KIAA1958: variants seen among roughly 807,000 people sequenced by gnomAD.
KIAA1958 encodes uncharacterized protein KIAA1958.
In KIAA1958, 14 loss-of-function variants were observed where a neutral mutation model predicts 47.2. That is an observed-to-expected ratio of 0.30 (90% CI 0.20 to 0.46). KIAA1958 has a LOEUF of 0.46. Among genes scored for constraint, KIAA1958 ranks in the 20% least tolerant of loss-of-function variants. The pLI, the probability that KIAA1958 is intolerant of heterozygous loss-of-function variation, is 1.00. For synonymous variants in KIAA1958, 354 were observed against 353.3 expected (o/e 1.00, Z -0.02); for missense variants, 803 against 909.2 (o/e 0.88, Z 1.50).
intron 1 of KIAA1958, among the ~76,000 whole-genome samples, chr9:112,539,324 A>G (rs946289712): frequency 1.3e-5 from 2 of 152,250 alleles, no homozygotes; most frequent in Non-Finnish European, 2.9e-5. Flanking sequence ...GATTAATGAA[A>G]TGTGGTTTCT....
intron 2 of KIAA1958, chr9:112,619,019 C>T: frequency 8.3e-7 from 1 of 1,207,554 alleles, no homozygotes; most frequent in Non-Finnish European, 1.1e-6. Context: ...TGTTAATTCA[C>T]TTTATAAAAA....
At chr9:112,598,152 G>A (rs944892436) in intron 2 of KIAA1958, among the ~76,000 whole-genome samples, 19 of 152,136 alleles carry the variant, frequency 1.2e-4, no homozygotes, top group Non-Finnish European at 2.6e-4. Context: ...GAGAATGAAG[G>A]ATGAGAGGTT....
chr9:112,490,000 T>G (rs1241394880), intron 1 of KIAA1958, among the ~76,000 whole-genome samples: 1 of 151,746 alleles, frequency 6.6e-6, no homozygotes, highest in Non-Finnish European at 1.5e-5. Context: ...CTTTTTGACA[T>G]TTTTTTGTAG....
rs77400746 is a variant in KIAA1958 at position 112,624,499 on chromosome 9, T to G, written c.1172-21151T>G. Among the ~76,000 whole-genome samples, 97 of 152,376 alleles carry G rather than the reference T, an allele frequency of 6.4e-4. 1 individual carries two copies. In the East Asian group the frequency reaches 0.013, roughly 20 times the overall value. On this transcript the variant is annotated intron_variant, in intron 2 of 3. Coordinates refer to ENST00000337530, the MANE Select transcript of KIAA1958 (RefSeq NM_133465.4). ...AAGAAATACATTGCAGATATCATTC[T>G]TTTGGGAGTTGGTGTATTTCTAGTG... is the stretch of plus-strand genomic sequence containing the variant.
chr9:112,597,218 CT>C (rs1381147935), intron 2 of KIAA1958, among the ~76,000 whole-genome samples: 1 of 152,178 alleles, frequency 6.6e-6, no homozygotes, highest in Non-Finnish European at 1.5e-5. Context: ...ATGCTGTTGG[CT>C]CTCTGTGATT....
At chr9:112,519,413 A>G (rs1425150854) in intron 1 of KIAA1958, among the ~76,000 whole-genome samples, 1 of 152,222 alleles carries the variant, frequency 6.6e-6, no homozygotes, top group Non-Finnish European at 1.5e-5. Flanking sequence ...AAGTTTTATG[A>G]TGTAGTTTTT....
intron 2 of KIAA1958, among the ~76,000 whole-genome samples, chr9:112,601,048 A>AC: frequency 6.6e-6 from 1 of 152,346 alleles, no homozygotes. Context: ...TTGTTGGCAG[A>AC]GCTGGAACCT....
At chr9:112,655,816 G>A (rs886086914) in intron 3 of KIAA1958, among the ~76,000 whole-genome samples, 1 of 152,182 alleles carries the variant, frequency 6.6e-6, no homozygotes, top group Admixed American at 6.5e-5. Context: ...GTAATAGCTG[G>A]GTTGTTGACA....
At chr9:112,625,832 TAACA>T (rs1484789802) in intron 2 of KIAA1958, among the ~76,000 whole-genome samples, 1 of 152,222 alleles carries the variant, frequency 6.6e-6, no homozygotes, top group Non-Finnish European at 1.5e-5. Context: ...TCTTTGATTC[TAACA>T]AACATCTCTC....
chr9:112,640,735 AT>A (rs1836876818), intron 2 of KIAA1958, among the ~76,000 whole-genome samples: 1 of 152,148 alleles, frequency 6.6e-6, no homozygotes, highest in South Asian at 2.1e-4. Context: ...GTTCTGGTTC[AT>A]TTGATTGTGT....
chr9:112,559,400 C>T (rs1157926775), intron 1 of KIAA1958, among the ~76,000 whole-genome samples: 2 of 152,164 alleles, frequency 1.3e-5, no homozygotes, highest in Non-Finnish European at 2.9e-5. Context: ...TAAGGAAAGG[C>T]AGTATCATGG....
intron 2 of KIAA1958, among the ~76,000 whole-genome samples, chr9:112,576,177 C>G (rs1835641771): frequency 6.6e-6 from 1 of 152,152 alleles, no homozygotes; most frequent in Admixed American, 6.5e-5. Flanking sequence ...TTACAAACTT[C>G]TTTTTTCCAA....
At chr9:112,542,511 T>G (rs1202997324) in intron 1 of KIAA1958, among the ~76,000 whole-genome samples, 1 of 152,232 alleles carries the variant, frequency 6.6e-6, no homozygotes, top group African/African-American at 2.4e-5. Flanking sequence ...TCTACAACTC[T>G]TTGCATTTTA....
At chr9:112,499,337 A>G (rs1246954001) in intron 1 of KIAA1958, among the ~76,000 whole-genome samples, 1 of 152,194 alleles carries the variant, frequency 6.6e-6, no homozygotes, top group Non-Finnish European at 1.5e-5. Context: ...AATCTTCTAT[A>G]TGGTTTTCTA....
At chr9:112,650,506 ATAAGT>A (rs1372875428) in intron 3 of KIAA1958, among the ~76,000 whole-genome samples, 1 of 152,170 alleles carries the variant, frequency 6.6e-6, no homozygotes, top group Non-Finnish European at 1.5e-5. Flanking sequence ...GTAGACTGTG[ATAAGT>A]TAAAGATAGA....
intron 1 of KIAA1958, among the ~76,000 whole-genome samples, chr9:112,524,204 G>C (rs1834602295): frequency 6.6e-6 from 1 of 152,238 alleles, no homozygotes; most frequent in African/African-American, 2.4e-5. Flanking sequence ...TAGTTATGGT[G>C]CTGTTGAAAT....
At chr9:112,563,859 ATTT>A (rs1192761131) in intron 1 of KIAA1958, among the ~76,000 whole-genome samples, 8 of 152,140 alleles carry the variant, frequency 5.3e-5, no homozygotes, top group African/African-American at 1.9e-4. Context: ...TTAGCTGTAG[ATTT>A]TGTACAGATG....
At chr9:112,491,634 T>C (rs1003176828) in intron 1 of KIAA1958, among the ~76,000 whole-genome samples, 2 of 152,098 alleles carry the variant, frequency 1.3e-5, no homozygotes, top group African/African-American at 4.8e-5. Flanking sequence ...AAATATATTT[T>C]CACTTGATGC....
intron 3 of KIAA1958, among the ~76,000 whole-genome samples, chr9:112,654,303 T>A (rs1201649709): frequency 6.6e-6 from 1 of 152,184 alleles, no homozygotes; most frequent in Non-Finnish European, 1.5e-5. Flanking sequence ...GTAATCCACA[T>A]GGTTATTGCA....
Sources: allele counts gnomAD v4.1 joint callset (sites outside exome capture counted in the v4.1 genomes callset), GRCh38; gene constraint gnomAD v4.1.1; transcripts MANE v1.5; gene names NCBI Gene and HGNC (gene_info 2026-07-23, HGNC 2026-07-21).